Variants in SGK3 observed in about 807,000 individuals in gnomAD.
SGK3 encodes the protein serum/glucocorticoid regulated kinase family member 3, also known as serine/threonine-protein kinase Sgk3.
In SGK3, 47 loss-of-function variants were observed where a neutral mutation model predicts 68.5. The ratio of observed to expected loss-of-function variants is 0.69; its 90% confidence interval spans 0.54 to 0.87. SGK3 has a LOEUF of 0.87. Ranked by LOEUF, SGK3 falls within the 40% of genes least tolerant of loss-of-function variation. The pLI, the probability that SGK3 is intolerant of heterozygous loss-of-function variation, is 0.00. For synonymous variants in SGK3, 181 were observed against 189.1 expected (o/e 0.96, Z 0.35); for missense variants, 479 against 575.5 (o/e 0.83, Z 1.72).
chr8:66,714,591 G>T (rs1162753786), intron 1 of SGK3, among the ~76,000 whole-genome samples: 1 of 152,120 alleles, frequency 6.6e-6, no homozygotes, highest in African/African-American at 2.4e-5. Context: ...GGATTATGAA[G>T]TGTCTCTTGA....
intron 1 of SGK3, among the ~76,000 whole-genome samples, chr8:66,738,015 A>C (rs185001680): frequency 1.3e-5 from 2 of 151,836 alleles, no homozygotes; most frequent in Non-Finnish European, 2.9e-5. Context: ...TTCAAATTCA[A>C]CATTTATAAA....
chr8:66,854,995 C>T (rs1810450961), intron 16 of SGK3, among the ~76,000 whole-genome samples: 1 of 152,068 alleles, frequency 6.6e-6, no homozygotes, highest in African/African-American at 2.4e-5. Context: ...ACAACAACAA[C>T]AACAACAAAA....
At chr8:66,835,408 T>C (rs1032659990) in intron 8 of SGK3, among the ~76,000 whole-genome samples, 1 of 152,206 alleles carries the variant, frequency 6.6e-6, no homozygotes, top group African/African-American at 2.4e-5. Context: ...TCCTTATCCT[T>C]GTTAATGTAG....
chr8:66,856,833 C>T (rs1810531293), intron 16 of SGK3, among the ~76,000 whole-genome samples: 1 of 152,158 alleles, frequency 6.6e-6, no homozygotes, highest in African/African-American at 2.4e-5. Flanking sequence ...AATTACACAA[C>T]TGTAATCCAA....
intron 1 of SGK3, among the ~76,000 whole-genome samples, chr8:66,718,363 A>C (rs1048544550): frequency 1.3e-5 from 2 of 151,914 alleles, no homozygotes; most frequent in Non-Finnish European, 2.9e-5. Context: ...ATAGAGGTTA[A>C]CTTAAAAAGA....
chr8:66,828,991 T>TGTGTGC (rs1809186762), intron 7 of SGK3, among the ~76,000 whole-genome samples: 1 of 151,536 alleles, frequency 6.6e-6, no homozygotes, highest in African/African-American at 2.4e-5. Context: ...TGTGTGTGTG[T>TGTGTGC]GTGTGTGTCT....
At chr8:66,776,836 C>A (rs1427214098) in intron 1 of SGK3, among the ~76,000 whole-genome samples, 4 of 152,160 alleles carry the variant, frequency 2.6e-5, no homozygotes, top group African/African-American at 9.7e-5. Flanking sequence ...GCTTTGAGAA[C>A]AAGATGATTG....
chr8:66,813,025 G>A (rs1340488635), intron 4 of SGK3, among the ~76,000 whole-genome samples: 3 of 152,186 alleles, frequency 2.0e-5, no homozygotes, highest in Admixed American at 1.3e-4. Flanking sequence ...AGGCCGAGGA[G>A]GGTGGATTGC....
chr8:66,833,954 G>C (rs1809405196), intron 8 of SGK3, among the ~76,000 whole-genome samples: 1 of 151,900 alleles, frequency 6.6e-6, no homozygotes, highest in Non-Finnish European at 1.5e-5. Context: ...GCCTCCCAAA[G>C]TGCTGGGATT....
chr8:66,828,049 G>A (rs1809136498), intron 6 of SGK3, among the ~76,000 whole-genome samples: 1 of 151,940 alleles, frequency 6.6e-6, no homozygotes, highest in African/African-American at 2.4e-5. Flanking sequence ...ACGTGAAGCG[G>A]GGAGGCGGAG....
intron 1 of SGK3, among the ~76,000 whole-genome samples, chr8:66,751,136 C>G (rs560757526): frequency 2.0e-5 from 3 of 151,920 alleles, no homozygotes; most frequent in South Asian, 4.2e-4. Flanking sequence ...CCTGTCTCTA[C>G]TAAAAATACA....
chr8:66,717,998 G>A (rs1232902008), intron 1 of SGK3, among the ~76,000 whole-genome samples: 3 of 151,474 alleles, frequency 2.0e-5, no homozygotes, highest in Non-Finnish European at 4.4e-5. Flanking sequence ...ACTGCGCCCG[G>A]CCTACTCTAG....
At chr8:66,858,933 A>G (rs1810642480) in intron 16 of SGK3, among the ~76,000 whole-genome samples, 1 of 152,172 alleles carries the variant, frequency 6.6e-6, no homozygotes, top group South Asian at 2.1e-4. Flanking sequence ...CCTAAATAAT[A>G]AAGGTCAGGA....
At chr8:66,723,090 CATATATATATATAT>C (rs1168038766) in intron 1 of SGK3, among the ~76,000 whole-genome samples, 11 of 21,276 alleles carry the variant, frequency 5.2e-4, no homozygotes, top group East Asian at 2.9e-3. Flanking sequence ...AGATTTTGTT[CATATATATATATAT>C]ATATATATAT....
At chr8:66,763,119 T>C (rs545469589) in intron 1 of SGK3, among the ~76,000 whole-genome samples, 2 of 152,338 alleles carry the variant, frequency 1.3e-5, no homozygotes, top group South Asian at 4.1e-4. Context: ...ACAAGAAACT[T>C]CTCCTCATTG....
At chr8:66,780,165 T>G (rs75616137) in intron 1 of SGK3, among the ~76,000 whole-genome samples, 5,977 of 152,286 alleles carry the variant, frequency 0.039, 132 homozygotes, top group African/African-American at 0.055. Flanking sequence ...GTACATATAG[T>G]ACTTGGAGTG....
chr8:66,825,702 T>C (rs760941299), intron 6 of SGK3, among the ~76,000 whole-genome samples: 4 of 152,260 alleles, frequency 2.6e-5, no homozygotes, highest in South Asian at 2.1e-4. Flanking sequence ...CAGAGAAAAA[T>C]AGAGGCCAAG....
At chr8:66,764,588 A>G (rs1424863048) in intron 1 of SGK3, among the ~76,000 whole-genome samples, 2 of 152,028 alleles carry the variant, frequency 1.3e-5, no homozygotes, top group Non-Finnish European at 2.9e-5. Context: ...CTCCCACCTC[A>G]GCCTCCTGTA....
intron 1 of SGK3, among the ~76,000 whole-genome samples, chr8:66,741,745 G>T (rs185266456): frequency 6.6e-6 from 1 of 152,014 alleles, no homozygotes; most frequent in South Asian, 2.1e-4. Flanking sequence ...ATTATATGTT[G>T]GTGCACTAAA....
Sources: gnomAD v4.1 joint callset for allele counts (sites outside exome capture counted in the v4.1 genomes callset) on GRCh38, gnomAD v4.1.1 for gene constraint, MANE v1.5 for transcripts, NCBI Gene and HGNC (gene_info 2026-07-23, HGNC 2026-07-21) for gene names.